The following CELF1 variants were observed in gnomAD, a reference collection of about 807,000 sequenced individuals.
The protein encoded by CELF1 is CUGBP Elav-like family member 1.
CELF1 carries 10 observed loss-of-function variants against 61.8 expected under a neutral mutation model. The ratio of observed to expected loss-of-function variants is 0.16; its 90% CI spans 0.10 to 0.27. The LOEUF is 0.27. CELF1 is among the 10% of genes least tolerant of loss of function. CELF1 has a pLI of 1.00. For synonymous variants in CELF1, 236 were observed against 225.1 expected (o/e 1.05, Z -0.43); for missense variants, 380 against 639.1 (o/e 0.59, Z 4.37).
At chr11:47,543,084 T>A (rs1050920764) in intron 1 of CELF1, among the ~76,000 whole-genome samples, 3 of 151,642 alleles carry the variant, frequency 2.0e-5, no homozygotes, top group African/African-American at 7.3e-5. Flanking sequence ...CACTCAAGTC[T>A]GGGCAACAAA....
chr11:47,553,292 C>G (rs1185674998), upstream of CELF1, among the ~76,000 whole-genome samples: 1 of 152,094 alleles, frequency 6.6e-6, no homozygotes. Flanking sequence ...CTGCAGCGCC[C>G]CCTCGGGCTG....
At chr11:47,531,878 T>C (rs1032404179) in intron 1 of CELF1, among the ~76,000 whole-genome samples, 2 of 152,214 alleles carry the variant, frequency 1.3e-5, no homozygotes, top group Admixed American at 6.5e-5. Flanking sequence ...GTTCCAAATA[T>C]GGCATTATCT....
chr11:47,515,524 C>G lies in CELF1; in HGVS notation c.-153-14592G>C, dbSNP rs1170378744. On this transcript the variant is annotated intron_variant, in intron 1 of 14. Coordinates refer to ENST00000687097, the MANE Select transcript of CELF1 (RefSeq NM_001376376.1). ...CCTCTTTCCAACTGCATTTTGATTT[C>G]AGCCCACTTGTGCAGCTCATCAGGG... Among the ~76,000 whole-genome samples the G allele has an allele frequency of 2.6e-5, 4 of 152,322 alleles. No homozygotes were observed. In the South Asian group the frequency reaches 6.2e-4, roughly 24 times the overall value.
chr11:47,537,840 T>A (rs949511478), intron 1 of CELF1, among the ~76,000 whole-genome samples: 16 of 152,112 alleles, frequency 1.1e-4, no homozygotes, highest in Admixed American at 8.5e-4. Context: ...TAAAATTTCC[T>A]CTATGCACAG....
chr11:47,506,951 A>C (rs2094552514), intron 1 of CELF1: 1 of 152,046 alleles, frequency 6.6e-6, no homozygotes, highest in Admixed American at 6.6e-5. Context: ...GTCTCTCATG[A>C]CTCCAGATAT....
intron 13 of CELF1, among the ~76,000 whole-genome samples, chr11:47,475,075 GGTCA>G (rs1242243632): frequency 6.6e-6 from 1 of 152,202 alleles, no homozygotes; most frequent in Non-Finnish European, 1.5e-5. Context: ...GACCCGATAA[GGTCA>G]GTGTCTGTTG....
intron 1 of CELF1, among the ~76,000 whole-genome samples, chr11:47,550,935 G>A (rs1483781642): frequency 2.0e-5 from 3 of 151,936 alleles, no homozygotes; most frequent in Non-Finnish European, 4.4e-5. Flanking sequence ...GTAAATGACA[G>A]AGCAAGCATT....
chr11:47,558,309 T>A (rs1458212100), intron 2 of CELF1, among the ~76,000 whole-genome samples: 1 of 150,968 alleles, frequency 6.6e-6, no homozygotes, highest in Non-Finnish European at 1.5e-5. Context: ...CCGAGCCTGA[T>A]CCCTCTATGG....
upstream of CELF1, chr11:47,553,232 A>G (rs1378516794): frequency 5.2e-6 from 2 of 384,758 alleles, no homozygotes; most frequent in Non-Finnish European, 4.6e-6. Flanking sequence ...CGCCGCCCGC[A>G]GCGCCGATGC....
intron 3 of CELF1, among the ~76,000 whole-genome samples, chr11:47,497,267 C>A (rs2153531267): frequency 6.6e-6 from 1 of 152,224 alleles, no homozygotes; most frequent in South Asian, 2.1e-4. Flanking sequence ...ATCAGTGTCC[C>A]CTTAAGCAAT....
intron 13 of CELF1, among the ~76,000 whole-genome samples, 169 bp from the exon 14 acceptor site, chr11:47,473,400 A>C (rs1490802340): frequency 1.3e-5 from 2 of 152,224 alleles, no homozygotes; most frequent in Admixed American, 6.5e-5. Context: ...AACCAAAGGC[A>C]AACATTAAAA....
chr11:47,477,530 G>A, intron 10 of CELF1, 105 bp from the exon 11 acceptor site: 2 of 1,215,254 alleles, frequency 1.6e-6, no homozygotes, highest in Non-Finnish European at 2.3e-6. Context: ...TGACAAAGAG[G>A]AACTGTTCTA....
chr11:47,479,605 C>T (rs1056522857), intron 9 of CELF1, among the ~76,000 whole-genome samples: 2 of 152,158 alleles, frequency 1.3e-5, no homozygotes, highest in South Asian at 2.1e-4. Flanking sequence ...GTTCAGAGTA[C>T]GTTCTCCTTC....
At chr11:47,552,721 G>C (rs1191689811) in intron 1 of CELF1, among the ~76,000 whole-genome samples, 2 of 152,220 alleles carry the variant, frequency 1.3e-5, no homozygotes, top group Non-Finnish European at 2.9e-5. Context: ...AGGGCGCGGG[G>C]AGAGGAAGCA....
intron 1 of CELF1, among the ~76,000 whole-genome samples, chr11:47,535,537 G>C (rs914182560): frequency 6.6e-6 from 1 of 151,684 alleles, no homozygotes; most frequent in Non-Finnish European, 1.5e-5. Context: ...AATTAGCCGG[G>C]CATGGTGGGG....
intron 2 of CELF1, among the ~76,000 whole-genome samples, chr11:47,558,289 T>C (rs1383410112): frequency 6.6e-6 from 1 of 151,542 alleles, no homozygotes; most frequent in African/African-American, 2.4e-5. Flanking sequence ...TCATCAGTGG[T>C]TGAGGTGGCC....
chr11:47,484,242 G>A (rs1056969341), intron 7 of CELF1, 147 bp downstream of exon 7: 10 of 749,460 alleles, frequency 1.3e-5, no homozygotes, highest in South Asian at 3.6e-5. Context: ...CTGATCCTGG[G>A]AGGTTCAGGC....
chr11:47,496,075 T>TA, intron 3 of CELF1: 1 of 832,684 alleles, frequency 1.2e-6, no homozygotes, highest in Non-Finnish European at 1.4e-6. Flanking sequence ...TGCGTGAGAA[T>TA]AAAAAGGGCC....
At chr11:47,499,689 A>AT in intron 2 of CELF1, 85 bp from the exon 3 acceptor site, 1 of 610,082 alleles carries the variant, frequency 1.6e-6, no homozygotes. Context: ...GGACTGGGGA[A>AT]GGGGTAGGGA....
Sources: allele counts gnomAD v4.1 joint callset (sites outside exome capture counted in the v4.1 genomes callset), GRCh38; gene constraint gnomAD v4.1.1; transcripts MANE v1.5; gene names NCBI Gene and HGNC (gene_info 2026-07-23, HGNC 2026-07-21).